ZNF827: variants seen among roughly 807,000 people sequenced by gnomAD.
ZNF827 encodes the protein zinc finger protein 827.
In ZNF827, 13 loss-of-function variants were observed where a neutral mutation model predicts 102.4. The observed-to-expected ratio is 0.13, with a 90% CI of 0.08 to 0.20. ZNF827 has a LOEUF of 0.20. ZNF827 is among the 10% of genes least tolerant of loss of function. ZNF827 has a pLI of 1.00. For missense variants in ZNF827, 1,103 were observed against 1,344.4 expected, an observed-to-expected ratio of 0.82 and a Z score of 2.81; for synonymous variants, 523 against 536.2, an observed-to-expected ratio of 0.98 and a Z score of 0.34.
intron 1 of ZNF827, among the ~76,000 whole-genome samples, chr4:145,920,040 A>G (rs1752949441): frequency 6.6e-6 from 1 of 152,260 alleles, no homozygotes; most frequent in Non-Finnish European, 1.5e-5. Context: ...AATATCTGCA[A>G]TTGTACAGGG....
intron 1 of ZNF827, among the ~76,000 whole-genome samples, chr4:145,913,298 T>C (rs979043550): frequency 6.6e-6 from 1 of 151,786 alleles, no homozygotes; most frequent in African/African-American, 2.4e-5. Context: ...TGGTGGTGCA[T>C]GCCTGTGGTC....
At chr4:145,843,899 T>C (rs1015661465) in intron 7 of ZNF827, among the ~76,000 whole-genome samples, 1 of 152,174 alleles carries the variant, frequency 6.6e-6, no homozygotes, top group Non-Finnish European at 1.5e-5. Context: ...CTCCTTCTCC[T>C]TCTCTTTCCT....
At chr4:145,842,968 T>C (rs12646870) in intron 7 of ZNF827, among the ~76,000 whole-genome samples, 83,809 of 151,956 alleles carry the variant, frequency 0.55, 23,352 homozygotes, top group East Asian at 0.71. Flanking sequence ...TGAAATGTAT[T>C]ACAAATCACA....
chr4:145,882,895 C>A (rs1749793038), intron 4 of ZNF827, among the ~76,000 whole-genome samples: 1 of 152,150 alleles, frequency 6.6e-6, no homozygotes, highest in African/African-American at 2.4e-5. Flanking sequence ...AGACTAGCCA[C>A]TACTTCACTA....
rs987508851 is a variant in ZNF827, at chr4:145,759,965, G to C, written c.*1651C>G. 6.6e-6 allele frequency: 1 copy of C among 151,728 alleles called. No individual in the cohort carries two copies. The highest frequency in any genetic ancestry group is 6.6e-5 in the Admixed American group (1 of 15,258). 9.4% of individuals were successfully genotyped at this position (151,728 alleles called of 1,614,324 possible). ...GTGTGCACCGTACACATTTGTCTAC[G>C]TGTGGGCACACACACAAAACACACT... On this transcript the variant is annotated 3_prime_UTR_variant, in exon 15 of 15. Coordinates refer to ENST00000508784, the MANE Select transcript of ZNF827 (RefSeq NM_001306215.2).
chr4:145,858,304 C>T (rs7671413), intron 5 of ZNF827, among the ~76,000 whole-genome samples: 7,030 of 151,914 alleles, frequency 0.046, 394 homozygotes, highest in East Asian at 0.17. Context: ...TTAAAGTCAG[C>T]CTAGAAATCC....
rs1295433985 is a variant in ZNF827 at position 145,885,813 on chromosome 4, A to T, written c.1612T>A (p.Leu538Met). The T allele has an allele frequency of 1.2e-6, 2 of 1,613,960 alleles. No individual in the cohort carries two copies. Among genetic ancestry groups the T allele is most frequent in the Non-Finnish European group, 1.7e-6 (2 of 1,179,924 alleles). Reference protein sequence around the residue: ...EDNGLPTSFTLNAADRPANHT... With the variant: ...EDNGLPTSFTMNAADRPANHT... Reference sequence around the variant, plus strand: ...TTGGCGGGCCTGTCGGCAGCATTCAAAGTAAAGGAGGTGGGCAGGCCGTTA... The same window carrying T: ...TTGGCGGGCCTGTCGGCAGCATTCATAGTAAAGGAGGTGGGCAGGCCGTTA... Residue 538 changes from leucine (L) to methionine (M), a missense_variant, in exon 4 of 15, where the codon TTG (leucine) becomes ATG (methionine). Leu to Met is a conservative substitution (Grantham distance 15). Transcript: ENST00000508784.
At chr4:145,776,968 T>C (rs1737207277) in intron 9 of ZNF827, among the ~76,000 whole-genome samples, 1 of 152,348 alleles carries the variant, frequency 6.6e-6, no homozygotes, top group Non-Finnish European at 1.5e-5. Flanking sequence ...TTTGCTTTCA[T>C]CACACAGATA....
intron 7 of ZNF827, chr4:145,834,968 C>A (rs993135992): frequency 1.3e-5 from 2 of 152,322 alleles, no homozygotes; most frequent in African/African-American, 4.8e-5. Context: ...ACGCCTGAAC[C>A]GCAGCGGCCA....
intron 1 of ZNF827, among the ~76,000 whole-genome samples, chr4:145,936,608 G>A (rs1241991756): frequency 3.9e-5 from 6 of 152,116 alleles, no homozygotes; most frequent in African/African-American, 1.4e-4. Context: ...GGAGGCGCGG[G>A]GGCGCCTGGC....
At chr4:145,887,763 C>T (rs779514565) in intron 3 of ZNF827, among the ~76,000 whole-genome samples, 14 of 152,204 alleles carry the variant, frequency 9.2e-5, no homozygotes, top group Non-Finnish European at 1.3e-4. Flanking sequence ...GACCAATTCA[C>T]GCAGAAGCAG....
At position 145,765,551 on chromosome 4, in the gene ZNF827, C is replaced by G. The variant is rs761834793; in HGVS notation, c.3048G>C (p.Glu1016Asp). 6.2e-7 allele frequency: 1 copy of G among 1,611,348 alleles called. No individual in the cohort carries two copies. Among genetic ancestry groups the G allele is most frequent in the South Asian group, 1.1e-5 (1 of 90,566 alleles). Residue 1016 changes from glutamate (E) to aspartate (D), a missense_variant, in exon 12 of 15, where the codon GAG becomes GAC. By Grantham distance (45) the Glu-to-Asp change is conservative. This residue lies in a region of ZNF827 where 242 missense variants were observed against 361.9 expected (regional missense o/e 0.67). Coordinates refer to ENST00000508784, the MANE Select transcript of ZNF827 (RefSeq NM_001306215.2). The surrounding 1 kb of genome is among the most constrained non-coding windows in gnomAD (Gnocchi z 4.7). ...QPSLNSEEKP[E>D]KGFECVFCNF... ...TCACACCCACCTCCTCCTTACCTTT[C>G]TCTGGCTTTTCCTCACTGTTCAGTG...
chr4:145,909,003 T>C (rs1219731503), intron 1 of ZNF827, among the ~76,000 whole-genome samples: 2 of 152,172 alleles, frequency 1.3e-5, no homozygotes, highest in Non-Finnish European at 2.9e-5. Context: ...AAAAAGGAAA[T>C]ATGCCAGTCA....
chr4:145,872,900 C>A (rs2126768448), intron 4 of ZNF827, among the ~76,000 whole-genome samples: 1 of 149,380 alleles, frequency 6.7e-6, no homozygotes, highest in East Asian at 2.0e-4. Flanking sequence ...AAAACAAAAA[C>A]AAAACAAGGT....
intron 5 of ZNF827, among the ~76,000 whole-genome samples, chr4:145,851,694 C>G (rs1049479045): frequency 8.6e-5 from 13 of 151,974 alleles, no homozygotes; most frequent in African/African-American, 2.9e-4. Context: ...CTTTAGATCC[C>G]TCCCCCCTTT....
At chr4:145,814,363 G>C (rs771670108) in intron 8 of ZNF827, among the ~76,000 whole-genome samples, 14 of 152,126 alleles carry the variant, frequency 9.2e-5, no homozygotes, top group Non-Finnish European at 1.8e-4. Flanking sequence ...CACATGTATG[G>C]TAGACCAGAG....
chr4:145,873,470 C>T (rs1040291065), intron 4 of ZNF827, among the ~76,000 whole-genome samples: 25 of 152,132 alleles, frequency 1.6e-4, no homozygotes, highest in African/African-American at 5.8e-4. Context: ...GAGATAAGAT[C>T]TTTGAAGTAA....
At chr4:145,852,790 C>T (rs981152814) in intron 5 of ZNF827, among the ~76,000 whole-genome samples, 9 of 152,148 alleles carry the variant, frequency 5.9e-5, no homozygotes, top group Non-Finnish European at 1.2e-4. Context: ...GGTCTCACTA[C>T]GTTGCCCAGG....
At chr4:145,843,648 C>T (rs201622530) in intron 7 of ZNF827, among the ~76,000 whole-genome samples, 1 of 152,120 alleles carries the variant, frequency 6.6e-6, no homozygotes, top group African/African-American at 2.4e-5. Flanking sequence ...CCTCAGAAAC[C>T]TCCATAGATC....
Sources: gnomAD v4.1 joint callset for allele counts (sites outside exome capture counted in the v4.1 genomes callset) on GRCh38, gnomAD v4.1.1 for gene constraint, gnomAD v4.1.1 regional missense constraint, Gnocchi (gnomAD v3.1) non-coding constraint, MANE v1.5 for transcripts, NCBI Gene and HGNC (gene_info 2026-07-23, HGNC 2026-07-21) for gene names.